The following CACNB2 variants were observed in gnomAD, a reference collection of about 807,000 sequenced individuals.
The protein encoded by CACNB2 is voltage-dependent L-type calcium channel subunit beta-2.
In CACNB2, 42 loss-of-function variants were observed where a neutral mutation model predicts 73.3. The observed-to-expected ratio is 0.57, with a 90% CI of 0.45 to 0.74. The LOEUF is 0.74. CACNB2 is among the 30% of genes least tolerant of loss of function. The probability of loss-of-function intolerance (pLI) is 0.00; values close to 1 mark genes in which losing one functional copy is unlikely to be tolerated. For missense variants in CACNB2, 940 were observed against 853.0 expected (o/e 1.10, Z -1.27); for synonymous variants, 348 against 310.3 (o/e 1.12, Z -1.28).
chr10:18,246,978 C>T (rs1413212011), intron 2 of CACNB2, among the ~76,000 whole-genome samples: 1 of 152,102 alleles, frequency 6.6e-6, no homozygotes, highest in African/African-American at 2.4e-5. Context: ...CCTTGCATAC[C>T]CCGTGAAACC....
At chr10:18,259,367 A>T (rs1299762605) in intron 2 of CACNB2, among the ~76,000 whole-genome samples, 1 of 151,404 alleles carries the variant, frequency 6.6e-6, no homozygotes, top group East Asian at 1.9e-4. Context: ...GGAGTTTGAG[A>T]CCAGCCTGGG....
intron 2 of CACNB2, among the ~76,000 whole-genome samples, chr10:18,242,982 C>T (rs2131514136): frequency 6.9e-6 from 1 of 145,748 alleles, no homozygotes; most frequent in Admixed American, 7.0e-5. Context: ...TGCACTCCAG[C>T]CTGGGCGACA....
At chr10:18,227,219 AAGG>A (rs2036027360) in intron 2 of CACNB2, among the ~76,000 whole-genome samples, 1 of 152,114 alleles carries the variant, frequency 6.6e-6, no homozygotes, top group African/African-American at 2.4e-5. Flanking sequence ...AAAGCAAAAG[AAGG>A]AGAAGGGGCA....
At position 18,499,350 on chromosome 10, in the gene CACNB2, G is replaced by A. The variant is rs139418916; in HGVS notation, c.456+873G>A. Among the ~76,000 whole-genome samples, 1,283 of 152,270 alleles carry A rather than the reference G, an allele frequency of 8.4e-3. 23 individuals carry two copies. The highest frequency in any genetic ancestry group is 0.028 in the African/African-American group (1,178 of 41,544). The stretch of plus-strand genomic sequence containing the variant: ...AAAGAACCTAGGGCTGGGCCCGGTG[G>A]CTCATGCCTGTAATCCCAACACTTT... On this transcript the variant is annotated intron_variant, in intron 4 of 13. Transcript: ENST00000324631.
chr10:18,458,623 C>A (rs1286602809), intron 3 of CACNB2, among the ~76,000 whole-genome samples: 1 of 151,960 alleles, frequency 6.6e-6, no homozygotes, highest in Non-Finnish European at 1.5e-5. Flanking sequence ...ACAAAAAGGT[C>A]CCAAAGGATA....
chr10:18,271,170 T>G (rs1259572871), intron 2 of CACNB2, among the ~76,000 whole-genome samples: 1 of 152,228 alleles, frequency 6.6e-6, no homozygotes, highest in Non-Finnish European at 1.5e-5. Context: ...GAAATTTGGT[T>G]GATATGCATA....
At chr10:18,462,795 G>C (rs1315887738) in intron 3 of CACNB2, among the ~76,000 whole-genome samples, 4 of 151,666 alleles carry the variant, frequency 2.6e-5, no homozygotes, top group African/African-American at 7.3e-5. Flanking sequence ...ATCTCACTCT[G>C]TTGCCCAGGC....
At position 18,498,494 on chromosome 10, in the gene CACNB2, C is replaced by G; in HGVS notation, c.456+17C>G. 6.2e-7 allele frequency: 1 copy of G among 1,613,050 alleles called. No homozygotes were observed. Among genetic ancestry groups the G allele is most frequent in the Non-Finnish European group, 8.5e-7 (1 of 1,179,160 alleles). On this transcript the variant is annotated intron_variant, in intron 4 of 13. Coordinates refer to ENST00000324631, the MANE Select transcript of CACNB2 (RefSeq NM_201596.3). ...GTTAAGGAAGTAAGGAGAATAATTT[C>G]ATTTTCTAACAGCATGATGTTTCAC...
At chr10:18,275,922 C>T (rs773210248) in intron 2 of CACNB2, among the ~76,000 whole-genome samples, 1 of 152,174 alleles carries the variant, frequency 6.6e-6, no homozygotes, top group Non-Finnish European at 1.5e-5. Context: ...TCTCTGGTTT[C>T]AAAATACGTT....
At chr10:18,447,894 C>T (rs2046813328) in intron 3 of CACNB2, among the ~76,000 whole-genome samples, 1 of 152,002 alleles carries the variant, frequency 6.6e-6, no homozygotes, top group South Asian at 2.1e-4. Flanking sequence ...AACCCGAGAG[C>T]TATTTTTGTT....
At position 18,506,459 on chromosome 10, in the gene CACNB2, G is replaced by A. The variant is rs200694717; in HGVS notation, c.594-12G>A. 6.5e-6 allele frequency: 10 copies of A among 1,549,588 alleles called. No homozygotes were observed. In the South Asian group the frequency reaches 8.9e-5, roughly 14 times the overall value. On this transcript the variant is annotated splice_polypyrimidine_tract_variant and intron_variant, in intron 5 of 13. Transcript: ENST00000324631. ...AGTGTCAGATTTAATAGAAATTTTT[G>A]CTTTACTCCAGTAAATCAGGAGGAA...
chr10:18,236,048 G>T (rs757343283), intron 2 of CACNB2, among the ~76,000 whole-genome samples: 3 of 152,166 alleles, frequency 2.0e-5, no homozygotes, highest in Admixed American at 1.3e-4. Flanking sequence ...ATTTCCTGAG[G>T]CATATTCATC....
At chr10:18,402,151 A>C in intron 3 of CACNB2, 108 bp downstream of exon 3, 3 of 1,264,646 alleles carry the variant, frequency 2.4e-6, no homozygotes, top group Non-Finnish European at 3.4e-6. Context: ...AGAGAATTTC[A>C]TTGTCTGGTT....
chr10:18,518,463 CTTT>C, intron 8 of CACNB2, 47 bp downstream of exon 8: 1 of 1,231,954 alleles, frequency 8.1e-7, no homozygotes, highest in Non-Finnish European at 1.2e-6. Flanking sequence ...TGCTGAACTT[CTTT>C]GTGATGCTGC....
chr10:18,154,304 AAAC>A (rs1276840135), intron 2 of CACNB2, among the ~76,000 whole-genome samples: 1 of 152,004 alleles, frequency 6.6e-6, no homozygotes, highest in Non-Finnish European at 1.5e-5. Context: ...AAAAAAAAAA[AAAC>A]AACTTGGAGA....
chr10:18,472,229 T>C (rs1445141649), intron 3 of CACNB2, among the ~76,000 whole-genome samples: 1,121 of 18,740 alleles, frequency 0.06, 10 homozygotes, highest in Non-Finnish European at 0.085. Context: ...TTCTTTTTTT[T>C]TTTTTTTTTT....
At chr10:18,404,945 G>GT (rs1196052040) in intron 3 of CACNB2, among the ~76,000 whole-genome samples, 1 of 152,150 alleles carries the variant, frequency 6.6e-6, no homozygotes, top group East Asian at 1.9e-4. Context: ...ACATGACATT[G>GT]TTTTTTAACG....
intron 3 of CACNB2, among the ~76,000 whole-genome samples, chr10:18,473,205 C>T (rs1340953955): frequency 6.6e-6 from 1 of 152,126 alleles, no homozygotes; most frequent in African/African-American, 2.4e-5. Flanking sequence ...GGGCCCCGCT[C>T]GCCTGTTAAC....
chr10:18,382,574 G>A (rs763827844), intron 2 of CACNB2, among the ~76,000 whole-genome samples: 3 of 151,992 alleles, frequency 2.0e-5, no homozygotes, highest in African/African-American at 4.8e-5. Flanking sequence ...AGTGTGCGTT[G>A]TTCCCCTCCC....
Sources: gnomAD v4.1 joint callset for allele counts (sites outside exome capture counted in the v4.1 genomes callset) on GRCh38, gnomAD v4.1.1 for gene constraint, MANE v1.5 for transcripts, NCBI Gene and HGNC (gene_info 2026-07-23, HGNC 2026-07-21) for gene names.